CRK: variants seen among roughly 807,000 people sequenced by gnomAD.
CRK encodes CRK proto-oncogene, adaptor protein.
Under a neutral mutation model 29.8 loss-of-function variants are expected in CRK, and 4 were observed. The ratio of observed to expected loss-of-function variants is 0.13; its 90% CI spans 0.07 to 0.31. The LOEUF (loss-of-function observed/expected upper bound fraction) is 0.31. Among genes scored for constraint, CRK ranks in the 10% least tolerant of loss-of-function variants. The pLI is 1.00. For synonymous variants in CRK, 153 were observed against 164.9 expected (o/e 0.93, Z 0.55); for missense variants, 274 against 396.5 (o/e 0.69, Z 2.62).
At chr17:1,454,111 A>T (rs2074038504) in intron 1 of CRK, among the ~76,000 whole-genome samples, 1 of 152,020 alleles carries the variant, frequency 6.6e-6, no homozygotes, top group African/African-American at 2.4e-5. Flanking sequence ...AGGCTGAGGC[A>T]GAATCACTTG....
At chr17:1,442,606 C>CTTTTTTT (rs33970272) in intron 1 of CRK, among the ~76,000 whole-genome samples, 4 of 121,118 alleles carry the variant, frequency 3.3e-5, no homozygotes, top group Admixed American at 3.0e-4. Flanking sequence ...GTGAAAGGGT[C>CTTTTTTT]TTTTTTTTTT....
At chr17:1,434,337 C>T (rs1325435378) in intron 2 of CRK, among the ~76,000 whole-genome samples, 2 of 152,084 alleles carry the variant, frequency 1.3e-5, no homozygotes, top group Non-Finnish European at 2.9e-5. Flanking sequence ...AAAAAACATC[C>T]CACAGAATCC....
chr17:1,451,864 A>G (rs2074021088), intron 1 of CRK, among the ~76,000 whole-genome samples: 1 of 152,178 alleles, frequency 6.6e-6, no homozygotes, highest in Non-Finnish European at 1.5e-5. Context: ...ACATGCCTGT[A>G]ATCCCAGCTA....
chr17:1,444,596 G>GGA (rs373161217), intron 1 of CRK, among the ~76,000 whole-genome samples: 2 of 24,874 alleles, frequency 8.0e-5, no homozygotes, highest in Non-Finnish European at 1.4e-4. Context: ...AAGCCGAAGC[G>GGA]GGGGGGGGGA....
chr17:1,438,249 C>A (rs900319788), intron 1 of CRK, among the ~76,000 whole-genome samples: 1 of 152,068 alleles, frequency 6.6e-6, no homozygotes, highest in Non-Finnish European at 1.5e-5. Flanking sequence ...CCCACTTCAG[C>A]CTCCTGAGCA....
intron 1 of CRK, among the ~76,000 whole-genome samples, chr17:1,450,487 G>A (rs2074008998): frequency 6.7e-6 from 1 of 150,120 alleles, no homozygotes; most frequent in South Asian, 2.1e-4. Context: ...GGCCCGGCGT[G>A]GGCGACAGAG....
intron 2 of CRK, among the ~76,000 whole-genome samples, chr17:1,432,991 A>G (rs1303707755): frequency 3.3e-5 from 5 of 152,154 alleles, no homozygotes; most frequent in Non-Finnish European, 7.3e-5. Context: ...AGTCATTCAT[A>G]AAGAAGACTG....
chr17:1,425,384 G>C, intron 2 of CRK, among the ~76,000 whole-genome samples: 1 of 152,010 alleles, frequency 6.6e-6, no homozygotes, highest in Non-Finnish European at 1.5e-5. Flanking sequence ...GAGCCACCAC[G>C]CCTGGCCATC....
intron 1 of CRK, among the ~76,000 whole-genome samples, chr17:1,454,901 T>C (rs908054175): frequency 2.0e-5 from 3 of 152,170 alleles, no homozygotes; most frequent in Non-Finnish European, 2.9e-5. Context: ...GATCCCTCCC[T>C]GGCAAGGAAA....
chr17:1,455,851 G>A (rs755868035), intron 1 of CRK, 26 bp downstream of exon 1: 18 of 1,518,804 alleles, frequency 1.2e-5, no homozygotes, highest in Non-Finnish European at 3.5e-6. Flanking sequence ...CCCCGCCCAG[G>A]GCCCGCCGTC....
chr17:1,439,523 T>C (rs188700868), intron 1 of CRK, among the ~76,000 whole-genome samples: 1 of 152,290 alleles, frequency 6.6e-6, no homozygotes, highest in East Asian at 1.9e-4. Flanking sequence ...AACAACTCTC[T>C]AATAATAACA....
chr17:1,426,655 G>C (rs986150936), intron 2 of CRK, among the ~76,000 whole-genome samples: 1 of 152,108 alleles, frequency 6.6e-6, no homozygotes, highest in African/African-American at 2.4e-5. Flanking sequence ...CACGACGTCA[G>C]GAGTTCAAGA....
At chr17:1,432,776 C>CAAA (rs11453666) in intron 2 of CRK, among the ~76,000 whole-genome samples, 4 of 80,054 alleles carry the variant, frequency 5.0e-5, no homozygotes, top group African/African-American at 1.2e-4. Context: ...GACTCCGTCT[C>CAAA]AAAAAAAAAA....
chr17:1,429,692 C>T (rs1008645448), intron 2 of CRK, among the ~76,000 whole-genome samples: 3 of 151,714 alleles, frequency 2.0e-5, no homozygotes, highest in Admixed American at 6.6e-5. Context: ...TTGTGAGGCC[C>T]GAGCAGGAGG....
intron 1 of CRK, among the ~76,000 whole-genome samples, chr17:1,447,360 G>A (rs189040484): frequency 5.9e-5 from 9 of 151,870 alleles, no homozygotes; most frequent in African/African-American, 2.2e-4. Flanking sequence ...TCACACAAAC[G>A]GAAATCAAAA....
At chr17:1,446,647 A>G (rs182850381) in intron 1 of CRK, among the ~76,000 whole-genome samples, 3 of 137,262 alleles carry the variant, frequency 2.2e-5, no homozygotes, top group African/African-American at 8.2e-5. Context: ...GCTGGACTGC[A>G]GTGGCGCCAT....
chr17:1,435,914 G>A (rs1291198907), intron 2 of CRK, among the ~76,000 whole-genome samples: 1 of 152,150 alleles, frequency 6.6e-6, no homozygotes, highest in Non-Finnish European at 1.5e-5. Context: ...AGGTAGGAGA[G>A]CAAGGTGTGA....
At chr17:1,439,321 T>C (rs764618410) in intron 1 of CRK, among the ~76,000 whole-genome samples, 6 of 152,026 alleles carry the variant, frequency 3.9e-5, no homozygotes, top group Non-Finnish European at 7.4e-5. Flanking sequence ...ATGGTCTCGA[T>C]CTCCTGACCT....
At chr17:1,439,220 C>G (rs933599514) in intron 1 of CRK, among the ~76,000 whole-genome samples, 1 of 152,114 alleles carries the variant, frequency 6.6e-6, no homozygotes, top group African/African-American at 2.4e-5. Flanking sequence ...CTCAGCCTCC[C>G]GAGTAGCTGG....
Sources: gnomAD v4.1 joint callset for allele counts (sites outside exome capture counted in the v4.1 genomes callset) on GRCh38, gnomAD v4.1.1 for gene constraint, MANE v1.5 for transcripts, NCBI Gene and HGNC (gene_info 2026-07-23, HGNC 2026-07-21) for gene names.